Variants in CTTNBP2 observed in about 807,000 individuals in gnomAD.
The protein encoded by CTTNBP2 is cortactin-binding protein 2.
In CTTNBP2, 108 loss-of-function variants were observed where a neutral mutation model predicts 156.9. That is an observed-to-expected ratio of 0.69 (90% CI 0.59 to 0.81). CTTNBP2 has a LOEUF of 0.81. Among genes scored for constraint, CTTNBP2 ranks in the 30% least tolerant of loss-of-function variants. The pLI, the probability that CTTNBP2 is intolerant of heterozygous loss-of-function variation, is 0.00. For missense variants in CTTNBP2, 1,924 were observed against 2,035.4 expected, an observed-to-expected ratio of 0.95 and a Z score of 1.05; for synonymous variants, 767 against 751.8, an observed-to-expected ratio of 1.02 and a Z score of -0.33.
chr7:117,715,517 T>C (rs1159165544), intron 22 of CTTNBP2, among the ~76,000 whole-genome samples: 1 of 149,938 alleles, frequency 6.7e-6, no homozygotes, highest in Non-Finnish European at 1.5e-5. Flanking sequence ...GATTTCATCA[T>C]GCAACCAAAG....
chr7:117,765,093 G>A (rs35987251), intron 9 of CTTNBP2, among the ~76,000 whole-genome samples: 2,728 of 152,044 alleles, frequency 0.018, 31 homozygotes, highest in South Asian at 0.031. Context: ...ATGCCACCAC[G>A]CCCAGATAAT....
At chr7:117,811,335 C>T (rs1315517917) in intron 2 of CTTNBP2, among the ~76,000 whole-genome samples, 1 of 152,068 alleles carries the variant, frequency 6.6e-6, no homozygotes, top group African/African-American at 2.4e-5. Context: ...GGGTCTTGCT[C>T]TGTCATCCAG....
At chr7:117,797,605 TA>T (rs1329256485) in intron 3 of CTTNBP2, among the ~76,000 whole-genome samples, 1 of 151,684 alleles carries the variant, frequency 6.6e-6, no homozygotes, top group African/African-American at 2.4e-5. Flanking sequence ...ACAAAAACTA[TA>T]AAAAAAGAAC....
chr7:117,724,364 A>C (rs779627720), intron 19 of CTTNBP2, among the ~76,000 whole-genome samples, 183 bp downstream of exon 19: 1 of 152,150 alleles, frequency 6.6e-6, no homozygotes, highest in Non-Finnish European at 1.5e-5. Context: ...TCAGGTAGAG[A>C]TCTCCTGTAT....
intron 2 of CTTNBP2, among the ~76,000 whole-genome samples, chr7:117,849,729 A>G (rs1406021914): frequency 6.6e-6 from 1 of 152,324 alleles, no homozygotes; most frequent in South Asian, 2.1e-4. Flanking sequence ...AAAGACTACA[A>G]GAATGCCACC....
chr7:117,866,415 C>T (rs1804201849), intron 1 of CTTNBP2, among the ~76,000 whole-genome samples: 1 of 152,162 alleles, frequency 6.6e-6, no homozygotes, highest in Admixed American at 6.5e-5. Context: ...ACACATCCGT[C>T]CTATCAGGGC....
intron 2 of CTTNBP2, among the ~76,000 whole-genome samples, chr7:117,846,852 T>C (rs1802612422): frequency 6.6e-6 from 1 of 152,082 alleles, no homozygotes; most frequent in South Asian, 2.1e-4. Flanking sequence ...AATATTTATA[T>C]AATTTAATGT....
At chr7:117,817,349 A>T (rs12381347) in intron 2 of CTTNBP2, among the ~76,000 whole-genome samples, 32,504 of 72,424 alleles carry the variant, frequency 0.45, 9,183 homozygotes, top group Non-Finnish European at 0.47. Flanking sequence ...AAAAAAAAAA[A>T]AAAAAAAAAA....
chr7:117,768,565 C>CAA (rs747773487), intron 8 of CTTNBP2, among the ~76,000 whole-genome samples: 2 of 55,546 alleles, frequency 3.6e-5, no homozygotes, highest in African/African-American at 5.7e-5. Context: ...GACTCTGTCT[C>CAA]AAAAAAAAAA....
chr7:117,837,744 A>G (rs1802040605), intron 2 of CTTNBP2, among the ~76,000 whole-genome samples: 1 of 152,152 alleles, frequency 6.6e-6, no homozygotes, highest in African/African-American at 2.4e-5. Context: ...GAGGCCAGGT[A>G]TAAAATTTTC....
chr7:117,817,137 A>T (rs1276205388), intron 2 of CTTNBP2, among the ~76,000 whole-genome samples: 1 of 151,136 alleles, frequency 6.6e-6, no homozygotes, highest in Admixed American at 6.6e-5. Flanking sequence ...AGAGATCCAG[A>T]CCATCCTGGC....
intron 16 of CTTNBP2, among the ~76,000 whole-genome samples, chr7:117,730,540 T>C (rs1049660905): frequency 6.6e-6 from 1 of 152,144 alleles, no homozygotes; most frequent in Non-Finnish European, 1.5e-5. Flanking sequence ...AGTCCAGTGG[T>C]GAAATAGCAT....
chr7:117,849,770 C>T (rs887398507), intron 2 of CTTNBP2, among the ~76,000 whole-genome samples: 2 of 152,172 alleles, frequency 1.3e-5, no homozygotes, highest in Admixed American at 6.5e-5. Flanking sequence ...AATTCATCTT[C>T]ATTAGAACTC....
chr7:117,836,432 T>C (rs571931312), intron 2 of CTTNBP2, among the ~76,000 whole-genome samples: 55 of 152,060 alleles, frequency 3.6e-4, no homozygotes, highest in South Asian at 1.0e-3. Flanking sequence ...GGCGTGGTGG[T>C]GGGCGCCTGT....
At chr7:117,730,885 T>G (rs1049401492) in intron 16 of CTTNBP2, among the ~76,000 whole-genome samples, 8 of 152,146 alleles carry the variant, frequency 5.3e-5, no homozygotes, top group African/African-American at 1.9e-4. Context: ...AATCAAACAT[T>G]ATTTTTTCGG....
intron 22 of CTTNBP2, among the ~76,000 whole-genome samples, chr7:117,714,444 CAGTT>C (rs748617179): frequency 2.6e-4 from 39 of 152,248 alleles, no homozygotes; most frequent in Non-Finnish European, 4.1e-4. Context: ...ATAAGGATAA[CAGTT>C]AGTTGCTATA....
intron 8 of CTTNBP2, among the ~76,000 whole-genome samples, chr7:117,771,914 G>T (rs1797817045): frequency 6.6e-6 from 1 of 152,154 alleles, no homozygotes; most frequent in African/African-American, 2.4e-5. Context: ...CAGGACAGGA[G>T]AAGAGGCCAT....
At chr7:117,865,635 C>T (rs1051077497) in intron 1 of CTTNBP2, among the ~76,000 whole-genome samples, 1 of 146,536 alleles carries the variant, frequency 6.8e-6, no homozygotes, top group Non-Finnish European at 1.5e-5. Context: ...AGAGATCGTG[C>T]CACTCCAGCC....
At chr7:117,780,414 G>A (rs1798354272) in intron 7 of CTTNBP2, 27 bp downstream of exon 7, 18 of 1,447,264 alleles carry the variant, frequency 1.2e-5, no homozygotes, top group Non-Finnish European at 1.6e-5. Context: ...TATATATACA[G>A]GGGGAAAAAA....
Sources: allele counts gnomAD v4.1 joint callset (sites outside exome capture counted in the v4.1 genomes callset), GRCh38; gene constraint gnomAD v4.1.1; transcripts MANE v1.5; gene names NCBI Gene and HGNC (gene_info 2026-07-23, HGNC 2026-07-21).